Variants in RAD50 observed in about 807,000 individuals in gnomAD.
RAD50 encodes RAD50 double strand break repair protein.
Under a neutral mutation model 168.8 loss-of-function variants are expected in RAD50, and 132 were observed. That is an observed-to-expected ratio of 0.78 (90% CI 0.68 to 0.90). RAD50 has a LOEUF of 0.90. RAD50 is among the 40% of genes least tolerant of loss of function. The probability of loss-of-function intolerance (pLI) is 0.00; values close to 1 mark genes in which losing one functional copy is unlikely to be tolerated. For missense variants in RAD50, 1,347 were observed against 1,534.4 expected (o/e 0.88, Z 2.04); for synonymous variants, 525 against 497.4 (o/e 1.06, Z -0.74).
rs185269550 is a variant in RAD50, at chr5:132,559,694, G to A, written c.213+327G>A. On this transcript the variant is annotated intron_variant, in intron 2 of 24. Transcript: ENST00000378823. The stretch of plus-strand genomic sequence containing the variant: ...TTTTAATCTTTATACTGCTTTGTAT[G>A]TCTGAGATATTTTCTACTTAAAGTG... Among the ~76,000 whole-genome samples, 210 of 152,258 alleles carry A rather than the reference G, an allele frequency of 1.4e-3. 1 individual carries two copies. The highest frequency in any genetic ancestry group is 2.0e-3 in the Non-Finnish European group (135 of 68,018).
Position 132,618,057 on chromosome 5 carries a change from T to C in RAD50, c.3165-13T>C, listed in dbSNP as rs2149853754. 2 of 1,607,308 alleles carry C rather than the reference T, an allele frequency of 1.2e-6. No homozygotes were observed. Among genetic ancestry groups the C allele is most frequent in the Middle Eastern group, 1.8e-4 (1 of 5,422 alleles). ...AAAAAATGGTCCTCATTTGTCATTT[T>C]TCTTTTTTACAGTGAACATCAGAAG... On this transcript the variant is annotated splice_polypyrimidine_tract_variant and intron_variant, in intron 20 of 24. Transcript: ENST00000378823.
At chr5:132,599,414 C>T (rs1489596260) in intron 13 of RAD50, among the ~76,000 whole-genome samples, 1 of 152,078 alleles carries the variant, frequency 6.6e-6, no homozygotes, top group East Asian at 1.9e-4. Context: ...TGTCAGTGGG[C>T]CATTCTGGAA....
Position 132,603,287 on chromosome 5 carries a change from G to A in RAD50, c.2208-13G>A, listed in dbSNP as rs764411785. ...CATCAGATACTTTATTTTTAATTGT[G>A]TTTTCTATTTAGGCAAAGCATAATT... On this transcript the variant is annotated splice_polypyrimidine_tract_variant and intron_variant, in intron 13 of 24. Coordinates refer to ENST00000378823, the MANE Select transcript of RAD50 (RefSeq NM_005732.4). 2 of 1,598,452 alleles carry A rather than the reference G, an allele frequency of 1.3e-6. No individual in the cohort carries two copies. The highest frequency in any genetic ancestry group is 1.3e-5 in the African/African-American group (1 of 74,308).
chr5:132,639,001 T>C (rs1581022104), intron 23 of RAD50, among the ~76,000 whole-genome samples: 2 of 152,164 alleles, frequency 1.3e-5, no homozygotes, highest in Admixed American at 6.5e-5. Flanking sequence ...AATTCTAAAA[T>C]CATAGAAATA....
At chr5:132,566,681 A>G (rs1750214114) in intron 2 of RAD50, among the ~76,000 whole-genome samples, 1 of 152,238 alleles carries the variant, frequency 6.6e-6, no homozygotes, top group Non-Finnish European at 1.5e-5. Context: ...TACTTCATGC[A>G]ATTCCCCTGG....
intron 21 of RAD50, among the ~76,000 whole-genome samples, chr5:132,635,686 A>T (rs529332073): frequency 1.6e-4 from 25 of 152,318 alleles, no homozygotes; most frequent in Non-Finnish European, 3.4e-4. Flanking sequence ...TTAGTTTTTG[A>T]AGATTTTTAA....
At chr5:132,616,168 CTTTA>C (rs1343819956) in intron 20 of RAD50, 38 bp downstream of exon 20, 16 of 1,584,776 alleles carry the variant, frequency 1.0e-5, no homozygotes, top group Admixed American at 1.7e-5. Flanking sequence ...AAATAAACGT[CTTTA>C]TTACTGGAAT....
chr5:132,569,543 ATC>A (rs1750265097), intron 2 of RAD50, among the ~76,000 whole-genome samples: 4 of 149,574 alleles, frequency 2.7e-5, no homozygotes, highest in Admixed American at 2.6e-4. Context: ...TCAATTGGAG[ATC>A]TCAATACCCC....
At chr5:132,615,704 T>C (rs904534266) in intron 19 of RAD50, among the ~76,000 whole-genome samples, 1 of 152,228 alleles carries the variant, frequency 6.6e-6, no homozygotes, top group African/African-American at 2.4e-5. Context: ...CACAGATATA[T>C]GCTCAAATCT....
At chr5:132,590,906 T>A (rs1036081919) in intron 9 of RAD50, among the ~76,000 whole-genome samples, 1 of 152,204 alleles carries the variant, frequency 6.6e-6, no homozygotes, top group Non-Finnish European at 1.5e-5. Flanking sequence ...TAATAAATAT[T>A]TAATTGTTGA....
chr5:132,616,201 C>T, intron 20 of RAD50, 71 bp downstream of exon 20: 1 of 1,499,280 alleles, frequency 6.7e-7, no homozygotes, highest in South Asian at 1.2e-5. Flanking sequence ...TATTAAATAC[C>T]TGTTTTAAAA....
chr5:132,631,118 C>CTTTTTTT (rs34124696), intron 21 of RAD50, among the ~76,000 whole-genome samples: 1 of 129,098 alleles, frequency 7.7e-6, no homozygotes, highest in African/African-American at 2.9e-5. Flanking sequence ...GAGAGTCTCA[C>CTTTTTTT]TTTTTTTTTT....
intron 21 of RAD50, among the ~76,000 whole-genome samples, chr5:132,626,547 A>G (rs1050225240): frequency 1.3e-5 from 2 of 152,200 alleles, no homozygotes; most frequent in South Asian, 2.1e-4. Flanking sequence ...TTCCTTTGTC[A>G]TGTTCCATTC....
rs1561626878 is a variant in RAD50 at position 132,557,301 on chromosome 5, G to T, written c.-24G>T. ...AGCCTTTGTGGGCTCCAGGTCCCTG[G>T]TGAGATTAGAAACGTTTGCAAACAT... On this transcript the variant is annotated 5_prime_UTR_variant, in exon 1 of 25. Transcript: ENST00000378823. 6.2e-7 allele frequency: 1 copy of T among 1,613,844 alleles called. No homozygotes were observed. Among genetic ancestry groups the T allele is most frequent in the Non-Finnish European group, 8.5e-7 (1 of 1,179,662 alleles).
In RAD50 at chr5:132,579,851, T is replaced by A. The variant is rs1334742880; in HGVS notation, c.552-11T>A. 3 of 1,601,710 alleles carry A rather than the reference T, an allele frequency of 1.9e-6. No individual in the cohort carries two copies. The South Asian group carries it at 3.3e-5, about 18-fold the overall frequency. ...TGCCAGAAATTTGATTTTTGTTTCA[T>A]ATCTTCAAAGATACATTAAAGCCTT... On this transcript the variant is annotated splice_polypyrimidine_tract_variant and intron_variant, in intron 4 of 24. Transcript: ENST00000378823.
chr5:132,580,520 A>G (rs1303293016), intron 5 of RAD50, among the ~76,000 whole-genome samples: 1 of 152,184 alleles, frequency 6.6e-6, no homozygotes, highest in East Asian at 1.9e-4. Context: ...CCAACCTTAC[A>G]GTTCTGTATT....
intron 11 of RAD50, among the ~76,000 whole-genome samples, chr5:132,593,958 G>A (rs1750746322): frequency 1.3e-5 from 2 of 152,166 alleles, no homozygotes; most frequent in South Asian, 4.1e-4. Context: ...TCAAGGAGAA[G>A]GTCAACAGTG....
chr5:132,581,318 C>G (rs1300704869), intron 5 of RAD50, among the ~76,000 whole-genome samples: 5 of 152,068 alleles, frequency 3.3e-5, no homozygotes, highest in Non-Finnish European at 7.4e-5. Context: ...CGGGGTTTCT[C>G]CATGTTGGTC....
intron 15 of RAD50, among the ~76,000 whole-genome samples, chr5:132,604,348 C>A (rs2149847476): frequency 1.3e-5 from 2 of 151,880 alleles, no homozygotes; most frequent in South Asian, 4.2e-4. Context: ...TCACTGCAAC[C>A]TCCGCCTCCC....
Sources: allele counts gnomAD v4.1 joint callset (sites outside exome capture counted in the v4.1 genomes callset), GRCh38; gene constraint gnomAD v4.1.1; transcripts MANE v1.5; gene names NCBI Gene and HGNC (gene_info 2026-07-23, HGNC 2026-07-21).